The following CLDN10 variants were observed in gnomAD, a reference collection of about 807,000 sequenced individuals.
CLDN10 encodes claudin 10, also known as claudin-10.
CLDN10 carries 15 observed loss-of-function variants against 22.9 expected under a neutral mutation model. The observed-to-expected ratio is 0.65, with a 90% CI of 0.44 to 1.01. CLDN10 has a LOEUF of 1.01. Among genes scored for constraint, CLDN10 ranks in the 50% least tolerant of loss-of-function variants. The probability of loss-of-function intolerance (pLI) is 0.00; values close to 1 mark genes in which losing one functional copy is unlikely to be tolerated. For synonymous variants in CLDN10, 114 were observed against 111.4 expected, an observed-to-expected ratio of 1.02 and a Z score of -0.15; for missense variants, 247 against 287.8, an observed-to-expected ratio of 0.86 and a Z score of 1.03.
At chr13:95,464,337 T>A (rs1023736333) in intron 1 of CLDN10, among the ~76,000 whole-genome samples, 1 of 151,868 alleles carries the variant, frequency 6.6e-6, no homozygotes, top group Non-Finnish European at 1.5e-5. Flanking sequence ...CACCTATGAG[T>A]GAGAACATGC....
chr13:95,529,104 A>G (rs1398932432), intron 1 of CLDN10, among the ~76,000 whole-genome samples: 1 of 151,928 alleles, frequency 6.6e-6, no homozygotes, highest in Non-Finnish European at 1.5e-5. Context: ...GCCCATGTCT[A>G]GTATTTTTTT....
chr13:95,577,076 C>T (rs1472408097), intron 3 of CLDN10, among the ~76,000 whole-genome samples, 155 bp from the exon 4 acceptor site: 1 of 152,172 alleles, frequency 6.6e-6, no homozygotes, highest in East Asian at 1.9e-4. Context: ...GAAGAGTTTA[C>T]AGCATTTTAC....
At chr13:95,521,486 G>A (rs1279316417) in intron 1 of CLDN10, among the ~76,000 whole-genome samples, 1 of 151,972 alleles carries the variant, frequency 6.6e-6, no homozygotes, top group African/African-American at 2.4e-5. Flanking sequence ...AATTACATTG[G>A]TTGATTTTCT....
At chr13:95,572,628 G>T (rs947938020) in intron 3 of CLDN10, among the ~76,000 whole-genome samples, 4 of 152,198 alleles carry the variant, frequency 2.6e-5, no homozygotes, top group African/African-American at 4.8e-5. Flanking sequence ...CCACATCTGA[G>T]CGTGTTTGGG....
At chr13:95,504,137 C>T (rs2043013583) in intron 1 of CLDN10, among the ~76,000 whole-genome samples, 1 of 152,150 alleles carries the variant, frequency 6.6e-6, no homozygotes, top group Non-Finnish European at 1.5e-5. Context: ...GCCAGCCAAG[C>T]AAGCAAATAT....
intron 1 of CLDN10, among the ~76,000 whole-genome samples, chr13:95,525,703 G>GCTGGCCTTGAACTC: frequency 6.6e-6 from 1 of 152,082 alleles, no homozygotes; most frequent in South Asian, 2.1e-4. Context: ...TATTGGCCAA[G>GCTGGCCTTGAACTC]CTGGCCTTGA....
chr13:95,547,143 C>T (rs528847609), intron 1 of CLDN10, among the ~76,000 whole-genome samples: 1 of 151,228 alleles, frequency 6.6e-6, no homozygotes, highest in African/African-American at 2.4e-5. Flanking sequence ...GCCTCAGCCT[C>T]TGGAGGGGCT....
intron 1 of CLDN10, among the ~76,000 whole-genome samples, chr13:95,500,379 C>T (rs1054470329): frequency 7.2e-5 from 11 of 152,174 alleles, no homozygotes; most frequent in African/African-American, 2.7e-4. Context: ...GAGTTAGTCG[C>T]CATGCAATGA....
chr13:95,506,210 A>G (rs536554192), intron 1 of CLDN10, among the ~76,000 whole-genome samples: 4 of 152,042 alleles, frequency 2.6e-5, no homozygotes, highest in Non-Finnish European at 4.4e-5. Flanking sequence ...AGATGTTCTC[A>G]TCAGCCCTGT....
Position 95,493,286 on chromosome 13 carries a change from AT to A in CLDN10, c.214+59249del, listed in dbSNP as rs983167845. ...GCCCAGGTGCACCCACCTGGCCCTA[AT>A]TTTTTTTTTATTGTGCTAAAAAATA... On this transcript the variant is annotated intron_variant, in intron 1 of 4. Coordinates refer to the CLDN10 transcript ENST00000376873. 8.8e-4 allele frequency among the ~76,000 whole-genome samples: 132 copies of A among 149,662 alleles called. 1 individual carries two copies. The highest frequency in any genetic ancestry group is 2.7e-3 in the African/African-American group (109 of 40,846).
upstream of CLDN10, among the ~76,000 whole-genome samples, chr13:95,550,040 G>A (rs2043547545): frequency 6.6e-6 from 1 of 152,236 alleles, no homozygotes; most frequent in East Asian, 1.9e-4. Context: ...TCAGAGCTGT[G>A]GTTCTCAGCC....
intron 1 of CLDN10, among the ~76,000 whole-genome samples, chr13:95,539,880 C>T (rs565583399): frequency 2.6e-5 from 4 of 152,258 alleles, no homozygotes; most frequent in African/African-American, 9.6e-5. Flanking sequence ...TTTGGCTGGG[C>T]AAGGTGGCTC....
intron 1 of CLDN10, among the ~76,000 whole-genome samples, chr13:95,559,790 C>T (rs2031540): frequency 0.3 from 45,831 of 151,918 alleles, 7,207 homozygotes; most frequent in Middle Eastern, 0.33. Context: ...ATATGGAATT[C>T]GTAGTCTGAT....
intron 1 of CLDN10, among the ~76,000 whole-genome samples, chr13:95,475,788 C>G (rs1481883525): frequency 6.8e-6 from 1 of 147,850 alleles, no homozygotes; most frequent in South Asian, 2.1e-4. Flanking sequence ...GTCCCTGCAT[C>G]TCTCTCTCTC....
intron 1 of CLDN10, among the ~76,000 whole-genome samples, chr13:95,473,849 C>A (rs1053981028): frequency 6.6e-6 from 1 of 152,146 alleles, no homozygotes; most frequent in African/African-American, 2.4e-5. Context: ...TGTTAAGCTT[C>A]GGAGGGAACA....
chr13:95,503,433 GT>G (rs1488890261), intron 1 of CLDN10, among the ~76,000 whole-genome samples: 1 of 152,042 alleles, frequency 6.6e-6, no homozygotes, highest in Non-Finnish European at 1.5e-5. Context: ...CTGTCCATAG[GT>G]TCCTCAAAAA....
intron 1 of CLDN10, among the ~76,000 whole-genome samples, chr13:95,506,813 A>AC (rs1365610138): frequency 6.6e-5 from 10 of 152,150 alleles, no homozygotes; most frequent in Admixed American, 3.3e-4. Context: ...GAGGGTTGCC[A>AC]CCCCACAAAC....
intron 1 of CLDN10, among the ~76,000 whole-genome samples, chr13:95,475,190 G>A (rs557142321): frequency 5.6e-4 from 85 of 152,226 alleles, no homozygotes; most frequent in Middle Eastern, 3.4e-3. Flanking sequence ...TCCCTGCCAG[G>A]GATTAAGAGC....
Position 95,569,445 on chromosome 13 carries a change from G to A in CLDN10, c.465-7786G>A, listed in dbSNP as rs147349821. Among the ~76,000 whole-genome samples the A allele has an allele frequency of 2.4e-3, 369 of 152,174 alleles. 1 individual carries two copies. The highest frequency in any genetic ancestry group is 4.3e-3 in the Non-Finnish European group (291 of 67,998). ...TGAAAAATACAAAAATGAGCTGGGT[G>A]TGGTGGCAGGTGCTTGTAGTCCCAG... On this transcript the variant is annotated intron_variant, in intron 3 of 4. Coordinates refer to ENST00000299339, the MANE Select transcript of CLDN10 (RefSeq NM_006984.5).
Sources: gnomAD v4.1 joint callset for allele counts (sites outside exome capture counted in the v4.1 genomes callset) on GRCh38, gnomAD v4.1.1 for gene constraint, MANE v1.5 for transcripts, NCBI Gene and HGNC (gene_info 2026-07-23, HGNC 2026-07-21) for gene names.